The following C13orf46 variants were observed in gnomAD, a reference collection of about 807,000 sequenced individuals.
The protein encoded by C13orf46 is uncharacterized protein C13orf46.
chr13:113,932,079 G>A, the C13orf46 span, among the ~76,000 whole-genome samples: 1 of 152,182 alleles, frequency 6.6e-6, no homozygotes. Flanking sequence ...ATTATTTTGA[G>A]ATTCATCCAA....
chr13:113,969,135 T>C (rs1334050727), intron 2 of C13orf46, among the ~76,000 whole-genome samples: 1 of 152,244 alleles, frequency 6.6e-6, no homozygotes, highest in African/African-American at 2.4e-5. Context: ...AAATGGGCCA[T>C]GCTGGCCAGT....
downstream of C13orf46, among the ~76,000 whole-genome samples, chr13:113,952,123 C>A (rs1024694977): frequency 3.9e-5 from 6 of 152,242 alleles, no homozygotes; most frequent in East Asian, 1.2e-3. Context: ...TGAAAACACA[C>A]AGAACACTTG....
downstream of C13orf46, among the ~76,000 whole-genome samples, chr13:113,952,746 G>C (rs1339327134): frequency 6.6e-6 from 1 of 152,166 alleles, no homozygotes; most frequent in Non-Finnish European, 1.5e-5. Context: ...CTGATTTGCT[G>C]AGCTCAGGGC....
downstream of C13orf46, among the ~76,000 whole-genome samples, chr13:113,951,365 C>T (rs922196927): frequency 1.3e-5 from 2 of 152,178 alleles, no homozygotes; most frequent in African/African-American, 2.4e-5. Context: ...TGGAGCCGGG[C>T]GGGGCCTTTG....
chr13:113,959,240 C>A (rs2052568223), intron 6 of C13orf46, among the ~76,000 whole-genome samples: 1 of 152,164 alleles, frequency 6.6e-6, no homozygotes, highest in African/African-American at 2.4e-5. Flanking sequence ...CCACTACACT[C>A]CAGCCTGGGT....
At chr13:113,964,404 C>G (rs1297371468) in intron 6 of C13orf46, among the ~76,000 whole-genome samples, 3 of 152,200 alleles carry the variant, frequency 2.0e-5, no homozygotes, top group Non-Finnish European at 4.4e-5. Flanking sequence ...TACACAGCAT[C>G]CAGCCTGGGG....
chr13:113,934,833 G>A, the C13orf46 span, among the ~76,000 whole-genome samples: 3 of 152,246 alleles, frequency 2.0e-5, no homozygotes, highest in Admixed American at 6.5e-5. Flanking sequence ...CACTTGGTAG[G>A]TGCCCCAGTT....
At chr13:113,945,548 A>AGAAAGAAAGAAG in the C13orf46 span, among the ~76,000 whole-genome samples, 14 of 87,744 alleles carry the variant, frequency 1.6e-4, 1 homozygote, top group African/African-American at 5.7e-4. Flanking sequence ...TGAGAAAGAA[A>AGAAAGAAAGAAG]GAAAGAAAGA....
downstream of C13orf46, among the ~76,000 whole-genome samples, chr13:113,950,711 G>C (rs2052485252): frequency 6.6e-6 from 1 of 152,214 alleles, no homozygotes; most frequent in African/African-American, 2.4e-5. Flanking sequence ...CGCCTCTCCT[G>C]CAGGGCCCTG....
the C13orf46 span, among the ~76,000 whole-genome samples, chr13:113,938,974 A>AC: frequency 6.7e-6 from 1 of 149,880 alleles, no homozygotes; most frequent in African/African-American, 2.5e-5. Context: ...GAACCCAGCC[A>AC]CCCCCACCCC....
intron 2 of C13orf46, among the ~76,000 whole-genome samples, chr13:113,969,365 T>C (rs1477524811): frequency 1.6e-4 from 25 of 152,252 alleles, no homozygotes; most frequent in Admixed American, 1.3e-3. Context: ...CCTAAAGGTG[T>C]GTGGTCTTCC....
chr13:113,946,316 C>T, the C13orf46 span, among the ~76,000 whole-genome samples: 5 of 152,174 alleles, frequency 3.3e-5, no homozygotes, highest in Non-Finnish European at 7.3e-5. Flanking sequence ...CGTAACAGGA[C>T]CTATGTGGCA....
the C13orf46 span, among the ~76,000 whole-genome samples, chr13:113,932,036 T>C: frequency 0.018 from 2,680 of 152,274 alleles, 56 homozygotes; most frequent in African/African-American, 0.057. Flanking sequence ...ACAGCGTGTA[T>C]ACTCTTATTG....
chr13:113,935,784 G>A, the C13orf46 span, among the ~76,000 whole-genome samples: 5,136 of 152,288 alleles, frequency 0.034, 123 homozygotes, highest in South Asian at 0.058. Context: ...GCCAGCCACC[G>A]GCAAAATACA....
At chr13:113,950,236 T>C (rs1393850605), downstream of C13orf46, among the ~76,000 whole-genome samples, 3 of 136,706 alleles carry the variant, frequency 2.2e-5, no homozygotes, top group African/African-American at 5.7e-5. Context: ...CTCCCATCTG[T>C]AGAGTGGGGT....
the C13orf46 span, among the ~76,000 whole-genome samples, chr13:113,931,179 C>T: frequency 6.6e-6 from 1 of 152,250 alleles, no homozygotes. Context: ...TCCCGGCCCC[C>T]AGAGGTAACC....
chr13:113,953,804 T>C lies in C13orf46; in HGVS notation c.*2969A>G, dbSNP rs2052499662. The C allele has an allele frequency of 1.3e-5, 2 of 152,244 alleles. No homozygotes were observed. Among genetic ancestry groups the C allele is most frequent in the Admixed American group, 1.3e-4 (2 of 15,292 alleles). 9.4% of individuals were successfully genotyped at this position (152,244 alleles called of 1,614,324 possible). Reference sequence around the variant, plus strand: ...CCACCAAGGGGACAAACCAACCGTATTTCCGGAAGCTTCTCTGGGTGCCTT... The same window carrying C: ...CCACCAAGGGGACAAACCAACCGTACTTCCGGAAGCTTCTCTGGGTGCCTT... On this transcript the variant is annotated 3_prime_UTR_variant, in exon 7 of 7. Transcript: ENST00000636427.
At chr13:113,966,372 T>C (rs1262289072) in intron 5 of C13orf46, among the ~76,000 whole-genome samples, 5 of 120,516 alleles carry the variant, frequency 4.1e-5, no homozygotes, top group African/African-American at 1.1e-4. Flanking sequence ...TTAATGATGG[T>C]GATGATGATG....
downstream of C13orf46, among the ~76,000 whole-genome samples, chr13:113,951,855 C>G (rs1328899322): frequency 6.6e-6 from 1 of 152,270 alleles, no homozygotes; most frequent in Non-Finnish European, 1.5e-5. Flanking sequence ...ACCGGCGGCA[C>G]CTGCTGCTCT....
Sources: gnomAD v4.1 joint callset for allele counts (sites outside exome capture counted in the v4.1 genomes callset) on GRCh38, gnomAD v4.1.1 for gene constraint, MANE v1.5 for transcripts, NCBI Gene and HGNC (gene_info 2026-07-23, HGNC 2026-07-21) for gene names.